KIAA1671: variants seen among roughly 807,000 people sequenced by gnomAD.
KIAA1671 encodes the protein KIAA1671, also known as uncharacterized protein KIAA1671.
KIAA1671 carries 52 observed loss-of-function variants against 131.2 expected under a neutral mutation model. The observed-to-expected ratio is 0.40, with a 90% CI of 0.32 to 0.50. The LOEUF (loss-of-function observed/expected upper bound fraction) is 0.50, where lower values mean the gene tolerates loss of function less well. Ranked by LOEUF, KIAA1671 falls within the 20% of genes least tolerant of loss-of-function variation. The pLI, the probability that KIAA1671 is intolerant of heterozygous loss-of-function variation, is 0.73. For missense variants in KIAA1671, 2,360 were observed against 2,364.2 expected, an observed-to-expected ratio of 1.00 and a Z score of 0.04; for synonymous variants, 1,003 against 961.6, an observed-to-expected ratio of 1.04 and a Z score of -0.80.
chr22:25,079,579 G>C (rs1601291659), intron 6 of KIAA1671, among the ~76,000 whole-genome samples: 1 of 152,198 alleles, frequency 6.6e-6, no homozygotes, highest in African/African-American at 2.4e-5. Flanking sequence ...GAAGCAGGGA[G>C]AGCATAGGCC....
intron 1 of KIAA1671, among the ~76,000 whole-genome samples, chr22:24,964,333 A>G (rs1922180992): frequency 6.6e-6 from 1 of 151,874 alleles, no homozygotes; most frequent in Non-Finnish European, 1.5e-5. Flanking sequence ...TGTCTCAACA[A>G]AAAAACAAAA....
At chr22:25,118,685 C>A (rs1365914094) in intron 6 of KIAA1671, among the ~76,000 whole-genome samples, 1 of 152,098 alleles carries the variant, frequency 6.6e-6, no homozygotes, top group African/African-American at 2.4e-5. Flanking sequence ...CTCCCAACAA[C>A]CCAAGAGATC....
At chr22:25,173,181 C>A (rs1375487691) in intron 7 of KIAA1671, among the ~76,000 whole-genome samples, 1 of 152,148 alleles carries the variant, frequency 6.6e-6, no homozygotes, top group African/African-American at 2.4e-5. Flanking sequence ...CACTCACTAT[C>A]ATGAGAACAG....
intron 6 of KIAA1671, among the ~76,000 whole-genome samples, chr22:25,108,647 A>ATCATGGAT: frequency 6.6e-6 from 1 of 152,184 alleles, no homozygotes. Flanking sequence ...TGGTGGAGTA[A>ATCATGGAT]TACTTCTGGA....
chr22:24,960,286 C>T (rs921148198), intron 1 of KIAA1671, among the ~76,000 whole-genome samples: 10 of 151,850 alleles, frequency 6.6e-5, no homozygotes, highest in South Asian at 2.1e-4. Context: ...TGTGGTGGCT[C>T]GGGCCTGTAA....
chr22:25,151,410 T>C (rs910507582), intron 6 of KIAA1671, among the ~76,000 whole-genome samples: 4 of 147,538 alleles, frequency 2.7e-5, no homozygotes, highest in Admixed American at 2.0e-4. Context: ...AGTCCAGTTA[T>C]ACAACATCAA....
intron 6 of KIAA1671, among the ~76,000 whole-genome samples, chr22:25,087,685 T>C (rs1929801039): frequency 6.6e-6 from 1 of 152,230 alleles, no homozygotes; most frequent in Admixed American, 6.5e-5. Context: ...AGAAGCAGAC[T>C]CTGAGGTGGG....
intron 6 of KIAA1671, chr22:25,050,668 AGCCCGACTGTGGG>A (rs1602099104): frequency 6.6e-6 from 1 of 152,268 alleles, no homozygotes; most frequent in African/African-American, 2.4e-5. Flanking sequence ...CCACAACGTG[AGCCCGACTGTGGG>A]GCTGAGGGAG....
At chr22:25,112,964 C>T (rs570754907) in intron 6 of KIAA1671, among the ~76,000 whole-genome samples, 1 of 152,024 alleles carries the variant, frequency 6.6e-6, no homozygotes, top group Admixed American at 6.5e-5. Context: ...CGAGTTTGCC[C>T]GCTGGCCGTG....
chr22:25,098,765 G>C (rs778370028), intron 6 of KIAA1671, among the ~76,000 whole-genome samples: 45 of 152,318 alleles, frequency 3.0e-4, no homozygotes, highest in Admixed American at 9.8e-4. Context: ...ATGGGGACCT[G>C]TGGAGTGACA....
intron 6 of KIAA1671, among the ~76,000 whole-genome samples, chr22:25,132,452 A>C (rs1932484205): frequency 6.6e-6 from 1 of 152,222 alleles, no homozygotes; most frequent in African/African-American, 2.4e-5. Context: ...CAAATCCCAG[A>C]TCTGCCAGTT....
chr22:25,153,241 G>A (rs1037656976), intron 6 of KIAA1671, among the ~76,000 whole-genome samples: 2 of 152,062 alleles, frequency 1.3e-5, no homozygotes, highest in African/African-American at 2.4e-5. Flanking sequence ...AATTTTCCCC[G>A]CTTGGGGATA....
chr22:25,088,325 T>G (rs1407605864), intron 6 of KIAA1671, among the ~76,000 whole-genome samples: 1 of 152,172 alleles, frequency 6.6e-6, no homozygotes, highest in Non-Finnish European at 1.5e-5. Context: ...CAGGCTGGTC[T>G]TGAACTCCTG....
chr22:25,108,409 C>T (rs777235416), intron 6 of KIAA1671, among the ~76,000 whole-genome samples: 29 of 152,092 alleles, frequency 1.9e-4, no homozygotes, highest in African/African-American at 5.3e-4. Flanking sequence ...CCACTCTGGA[C>T]GTCCTGGGCC....
chr22:25,185,372 G>A, intron 11 of KIAA1671: 1 of 445,278 alleles, frequency 2.2e-6, no homozygotes, highest in Non-Finnish European at 3.9e-6. Context: ...CCTGCTACAT[G>A]GAACGCCAGG....
intron 6 of KIAA1671, among the ~76,000 whole-genome samples, chr22:25,109,495 G>A (rs756472090): frequency 2.6e-5 from 4 of 152,156 alleles, no homozygotes; most frequent in Non-Finnish European, 2.9e-5. Flanking sequence ...ACCTTGATTC[G>A]TTGTGGGAGG....
chr22:25,120,591 C>T (rs573503375), intron 6 of KIAA1671, among the ~76,000 whole-genome samples: 10 of 152,294 alleles, frequency 6.6e-5, no homozygotes, highest in African/African-American at 2.4e-4. Context: ...CAACAAAATA[C>T]GGTGTGCTCA....
intron 6 of KIAA1671, among the ~76,000 whole-genome samples, chr22:25,096,966 A>G (rs1930420876): frequency 6.6e-6 from 1 of 152,236 alleles, no homozygotes; most frequent in Admixed American, 6.5e-5. Flanking sequence ...TCCCTTTATC[A>G]GAGCACTTTT....
chr22:25,001,960 C>T (rs1418102827), intron 1 of KIAA1671, among the ~76,000 whole-genome samples: 1 of 151,974 alleles, frequency 6.6e-6, no homozygotes, highest in Non-Finnish European at 1.5e-5. Flanking sequence ...TATGAGTCCA[C>T]ACATTTATAT....
Sources: gnomAD v4.1 joint callset for allele counts (sites outside exome capture counted in the v4.1 genomes callset) on GRCh38, gnomAD v4.1.1 for gene constraint, MANE v1.5 for transcripts, NCBI Gene and HGNC (gene_info 2026-07-23, HGNC 2026-07-21) for gene names.